The following CTNNA3 variants were observed in gnomAD, a reference collection of about 807,000 sequenced individuals.
CTNNA3 encodes the protein catenin alpha 3.
In CTNNA3, 76 loss-of-function variants were observed where a neutral mutation model predicts 95.7. That is an observed-to-expected ratio of 0.79 (90% CI 0.66 to 0.96). CTNNA3 has a LOEUF of 0.96. Among genes scored for constraint, CTNNA3 ranks in the 40% least tolerant of loss-of-function variants. CTNNA3 has a pLI of 0.00. For missense variants in CTNNA3, 1,191 were observed against 1,089.8 expected (o/e 1.09, Z -1.31); for synonymous variants, 431 against 374.4 (o/e 1.15, Z -1.74).
intron 5 of CTNNA3, among the ~76,000 whole-genome samples, chr10:67,449,768 G>A (rs577132490): frequency 3.3e-5 from 5 of 152,112 alleles, no homozygotes; most frequent in African/African-American, 9.6e-5. Flanking sequence ...TCATGACGAA[G>A]ATGCCTAAAG....
At chr10:66,451,769 A>T (rs1488493405) in intron 11 of CTNNA3, among the ~76,000 whole-genome samples, 2 of 152,196 alleles carry the variant, frequency 1.3e-5, no homozygotes, top group Non-Finnish European at 1.5e-5. Flanking sequence ...AAATATAAAA[A>T]TTTTGGCTGC....
At chr10:66,223,332 T>C (rs1338290022) in intron 13 of CTNNA3, among the ~76,000 whole-genome samples, 1 of 152,184 alleles carries the variant, frequency 6.6e-6, no homozygotes, top group East Asian at 1.9e-4. Flanking sequence ...ATTAAGTATT[T>C]GTACATTTGT....
chr10:67,184,337 G>C (rs1862731037), intron 6 of CTNNA3, among the ~76,000 whole-genome samples: 3 of 152,178 alleles, frequency 2.0e-5, no homozygotes. Flanking sequence ...AGGGATCGTA[G>C]TGGTAAAGCC....
At chr10:66,226,860 G>GT (rs970195004) in intron 13 of CTNNA3, among the ~76,000 whole-genome samples, 2 of 151,646 alleles carry the variant, frequency 1.3e-5, no homozygotes, top group African/African-American at 4.8e-5. Flanking sequence ...TTTTCACTAA[G>GT]TTTATTATTG....
At chr10:66,014,953 AT>A (rs2079065765) in intron 15 of CTNNA3, among the ~76,000 whole-genome samples, 1 of 152,032 alleles carries the variant, frequency 6.6e-6, no homozygotes, top group South Asian at 2.1e-4. Flanking sequence ...AAATACAAAA[AT>A]TAGCTGGGCA....
intron 11 of CTNNA3, among the ~76,000 whole-genome samples, chr10:66,460,795 C>T (rs2093524229): frequency 6.6e-6 from 1 of 152,114 alleles, no homozygotes; most frequent in Admixed American, 6.6e-5. Context: ...ATTATGCATT[C>T]TTTCTTGCTT....
At chr10:66,321,540 T>C (rs1370941423) in intron 12 of CTNNA3, among the ~76,000 whole-genome samples, 3 of 152,158 alleles carry the variant, frequency 2.0e-5, no homozygotes, top group Non-Finnish European at 4.4e-5. Context: ...TTCCACTTAT[T>C]ATTTCCTTTA....
intron 5 of CTNNA3, among the ~76,000 whole-genome samples, chr10:67,242,440 T>G (rs1377096127): frequency 6.6e-6 from 1 of 152,242 alleles, no homozygotes; most frequent in East Asian, 1.9e-4. Flanking sequence ...ATGCCTGCTA[T>G]AAGGTGTGAC....
At chr10:66,528,692 T>A (rs2660003) in intron 10 of CTNNA3, among the ~76,000 whole-genome samples, 84,737 of 151,900 alleles carry the variant, frequency 0.56, 24,512 homozygotes, top group Middle Eastern at 0.73. Flanking sequence ...ACCACCTTCA[T>A]ACTTGTGGTA....
intron 7 of CTNNA3, among the ~76,000 whole-genome samples, chr10:66,890,437 G>A (rs1845223818): frequency 6.6e-6 from 1 of 152,042 alleles, no homozygotes; most frequent in African/African-American, 2.4e-5. Flanking sequence ...TTAAGTGCAT[G>A]ATGGCTAGGA....
chr10:67,612,830 G>A (rs577675097), intron 2 of CTNNA3, among the ~76,000 whole-genome samples: 2 of 152,152 alleles, frequency 1.3e-5, no homozygotes, highest in African/African-American at 4.8e-5. Context: ...ACACAGAAAC[G>A]GGGCATCATT....
chr10:66,061,762 C>T (rs16922445), intron 15 of CTNNA3, among the ~76,000 whole-genome samples: 9,195 of 152,142 alleles, frequency 0.06, 388 homozygotes, highest in Admixed American at 0.1. Flanking sequence ...CATGACTCAA[C>T]CCCACACCTC....
chr10:67,725,909 A>T (rs1012513432), intron 1 of CTNNA3, among the ~76,000 whole-genome samples: 2 of 132,326 alleles, frequency 1.5e-5, no homozygotes, highest in African/African-American at 5.8e-5. Context: ...ATATAATTAT[A>T]TATTGTACAT....
chr10:67,298,378 A>C (rs534260651), intron 5 of CTNNA3, among the ~76,000 whole-genome samples: 57 of 152,278 alleles, frequency 3.7e-4, no homozygotes, highest in Non-Finnish European at 6.8e-4. Context: ...CAGGTTTAAT[A>C]ATCTGTTTTT....
At chr10:66,764,214 T>C (rs1839746520) in intron 9 of CTNNA3, among the ~76,000 whole-genome samples, 3 of 152,170 alleles carry the variant, frequency 2.0e-5, no homozygotes, top group Admixed American at 2.0e-4. Flanking sequence ...TAGTTCATAA[T>C]TCCAAAAGAT....
At chr10:67,173,489 A>G (rs1357042299) in intron 7 of CTNNA3, among the ~76,000 whole-genome samples, 2 of 152,158 alleles carry the variant, frequency 1.3e-5, no homozygotes, top group Non-Finnish European at 2.9e-5. Flanking sequence ...CTTTCTTTAT[A>G]TGTTTCCTTA....
intron 7 of CTNNA3, among the ~76,000 whole-genome samples, chr10:67,011,011 A>G (rs1852292278): frequency 6.6e-6 from 1 of 152,136 alleles, no homozygotes; most frequent in Non-Finnish European, 1.5e-5. Flanking sequence ...ATATTATTAA[A>G]CTGAAATTAA....
chr10:67,110,892 A>C (rs1858882325), intron 7 of CTNNA3, among the ~76,000 whole-genome samples: 1 of 152,164 alleles, frequency 6.6e-6, no homozygotes, highest in Non-Finnish European at 1.5e-5. Flanking sequence ...ACTTATAATG[A>C]GATGGTTCTA....
intron 7 of CTNNA3, among the ~76,000 whole-genome samples, chr10:67,017,316 G>A (rs1204145573): frequency 2.0e-5 from 3 of 152,180 alleles, no homozygotes; most frequent in Non-Finnish European, 2.9e-5. Flanking sequence ...GTGAGGTTAG[G>A]TTAGTTACCA....
Sources: allele counts gnomAD v4.1 joint callset (sites outside exome capture counted in the v4.1 genomes callset), GRCh38; gene constraint gnomAD v4.1.1; transcripts MANE v1.5; gene names NCBI Gene and HGNC (gene_info 2026-07-23, HGNC 2026-07-21).